MAGI2: variants seen among roughly 807,000 people sequenced by gnomAD.
MAGI2 encodes membrane-associated guanylate kinase, WW and PDZ domain-containing protein 2.
MAGI2 carries 35 observed loss-of-function variants against 133.3 expected under a neutral mutation model. That is an observed-to-expected ratio of 0.26 (90% CI 0.20 to 0.35). The LOEUF (loss-of-function observed/expected upper bound fraction) is 0.35, where lower values mean the gene tolerates loss of function less well. Ranked by LOEUF, MAGI2 falls within the 10% of genes least tolerant of loss-of-function variation. The pLI, the probability that MAGI2 is intolerant of heterozygous loss-of-function variation, is 1.00. For missense variants in MAGI2, 1,636 were observed against 1,863.4 expected (o/e 0.88, Z 2.25); for synonymous variants, 729 against 710.6 (o/e 1.03, Z -0.41).
At chr7:78,210,398 G>A (rs1289903412) in intron 10 of MAGI2, among the ~76,000 whole-genome samples, 2 of 152,180 alleles carry the variant, frequency 1.3e-5, no homozygotes, top group East Asian at 3.9e-4. Context: ...TACTATAAAG[G>A]AGAAGATGAA....
chr7:78,924,900 T>A (rs1383151334), intron 2 of MAGI2, among the ~76,000 whole-genome samples: 1 of 151,618 alleles, frequency 6.6e-6, no homozygotes, highest in Non-Finnish European at 1.5e-5. Flanking sequence ...GGATTTTAAA[T>A]TTAAAGTCCC....
intron 10 of MAGI2, among the ~76,000 whole-genome samples, chr7:78,249,752 T>A (rs768255826): frequency 6.6e-5 from 10 of 151,992 alleles, no homozygotes; most frequent in Non-Finnish European, 1.2e-4. Flanking sequence ...GGATACGAAG[T>A]TACTGTTAGG....
intron 2 of MAGI2, among the ~76,000 whole-genome samples, chr7:78,677,964 G>A (rs750403119): frequency 7.2e-5 from 11 of 152,146 alleles, no homozygotes; most frequent in African/African-American, 1.9e-4. Context: ...TCCTAGTCAC[G>A]GGCAAGTGTG....
intron 2 of MAGI2, among the ~76,000 whole-genome samples, chr7:78,928,432 A>T (rs1799872940): frequency 6.6e-6 from 1 of 151,840 alleles, no homozygotes; most frequent in East Asian, 1.9e-4. Flanking sequence ...CAAGAACTGG[A>T]GATACCATGT....
At chr7:79,004,950 C>G (rs1345079850) in intron 2 of MAGI2, among the ~76,000 whole-genome samples, 3 of 151,960 alleles carry the variant, frequency 2.0e-5, no homozygotes, top group Non-Finnish European at 2.9e-5. Flanking sequence ...GGCATGGTGG[C>G]ACATGCCTGT....
intron 2 of MAGI2, among the ~76,000 whole-genome samples, chr7:78,910,293 A>T (rs1584362807): frequency 6.6e-6 from 1 of 151,198 alleles, no homozygotes; most frequent in African/African-American, 2.4e-5. Context: ...AAGGAAAAAG[A>T]ATTGTAAATT....
At chr7:78,938,994 G>A (rs1026974276) in intron 2 of MAGI2, among the ~76,000 whole-genome samples, 3 of 151,938 alleles carry the variant, frequency 2.0e-5, no homozygotes, top group African/African-American at 4.8e-5. Context: ...ACATATAATC[G>A]TTATTTTATT....
At chr7:78,530,649 CCCATCGTGTTCAGTA>C (rs923836821) in intron 3 of MAGI2, among the ~76,000 whole-genome samples, 13 of 152,244 alleles carry the variant, frequency 8.5e-5, no homozygotes, top group African/African-American at 2.9e-4. Flanking sequence ...ACTTTGATCC[CCCATCGTGTTCAGTA>C]CCCAGTGCCT....
chr7:78,723,502 C>T (rs1030894980), intron 2 of MAGI2, among the ~76,000 whole-genome samples: 2 of 152,050 alleles, frequency 1.3e-5, no homozygotes, highest in African/African-American at 4.8e-5. Flanking sequence ...GCAATGACAA[C>T]ATCATGAAGG....
At chr7:78,995,524 A>AG (rs1286790363) in intron 2 of MAGI2, among the ~76,000 whole-genome samples, 1 of 152,144 alleles carries the variant, frequency 6.6e-6, no homozygotes, top group Non-Finnish European at 1.5e-5. Flanking sequence ...GAAGCTAGTC[A>AG]GTCAATCGAC....
chr7:79,220,832 T>C (rs1830392476), intron 1 of MAGI2, among the ~76,000 whole-genome samples: 1 of 152,042 alleles, frequency 6.6e-6, no homozygotes, highest in Admixed American at 6.5e-5. Flanking sequence ...ACGCCCACCG[T>C]GGTACAAATT....
chr7:79,311,531 GCTT>G (rs1838290853), intron 1 of MAGI2, among the ~76,000 whole-genome samples: 1 of 151,882 alleles, frequency 6.6e-6, no homozygotes, highest in Admixed American at 6.6e-5. Flanking sequence ...AGGCTTCTTT[GCTT>G]CTTATCTTCC....
chr7:79,092,480 C>G lies in MAGI2; in HGVS notation c.302-85274G>C, dbSNP rs575792238. Among the ~76,000 whole-genome samples the G allele has an allele frequency of 3.3e-5, 5 of 152,226 alleles. No individual in the cohort carries two copies. In the South Asian group the frequency reaches 1.0e-3, roughly 32 times the overall value. On this transcript the variant is annotated intron_variant, in intron 1 of 21. Transcript: ENST00000354212. ...CCTATAGAAATGATTAAGTTTTTAACTTGGCCCCAGATAAATCAATAGCAA... is the reference window on the plus strand; with the variant it reads ...CCTATAGAAATGATTAAGTTTTTAAGTTGGCCCCAGATAAATCAATAGCAA...
At chr7:78,061,681 CCT>C (rs1813288857) in intron 21 of MAGI2, among the ~76,000 whole-genome samples, 1 of 152,088 alleles carries the variant, frequency 6.6e-6, no homozygotes, top group South Asian at 2.1e-4. Context: ...ACACAAGAGT[CCT>C]CTGCACAGTG....
At chr7:78,687,738 G>C (rs1045418599) in intron 2 of MAGI2, among the ~76,000 whole-genome samples, 1 of 152,008 alleles carries the variant, frequency 6.6e-6, no homozygotes, top group South Asian at 2.1e-4. Flanking sequence ...GGAGGCTGAG[G>C]CGGGTGGATC....
intron 3 of MAGI2, among the ~76,000 whole-genome samples, chr7:78,533,153 GGT>G (rs1797608691): frequency 6.6e-6 from 1 of 151,976 alleles, no homozygotes; most frequent in Non-Finnish European, 1.5e-5. Context: ...ATTCTTTAAA[GGT>G]GTAAAGGTGT....
chr7:78,888,427 CCT>C (rs1351740641), intron 2 of MAGI2, among the ~76,000 whole-genome samples: 2 of 152,226 alleles, frequency 1.3e-5, no homozygotes, highest in Non-Finnish European at 2.9e-5. Flanking sequence ...GGACAGACTG[CCT>C]CCTCAAGTGG....
intron 2 of MAGI2, among the ~76,000 whole-genome samples, chr7:78,725,445 A>C (rs10230501): frequency 0.069 from 10,465 of 152,312 alleles, 440 homozygotes; most frequent in African/African-American, 0.092. Flanking sequence ...AACACGCACT[A>C]TGCAACTGTT....
At chr7:79,113,681 T>C (rs1028451244) in intron 1 of MAGI2, among the ~76,000 whole-genome samples, 1 of 152,188 alleles carries the variant, frequency 6.6e-6, no homozygotes, top group Non-Finnish European at 1.5e-5. Flanking sequence ...TGAACTGTGT[T>C]CTTGAGCAAC....
Sources: allele counts gnomAD v4.1 joint callset (sites outside exome capture counted in the v4.1 genomes callset), GRCh38; gene constraint gnomAD v4.1.1; transcripts MANE v1.5; gene names NCBI Gene and HGNC (gene_info 2026-07-23, HGNC 2026-07-21).